ABCC10: variants seen among roughly 807,000 people sequenced by gnomAD.
ABCC10 encodes the protein ATP-binding cassette sub-family C member 10.
A neutral mutation model predicts 143.2 loss-of-function variants in ABCC10; 110 were observed. The ratio of observed to expected loss-of-function variants is 0.77; its 90% CI spans 0.66 to 0.90. ABCC10 has a LOEUF of 0.90. Ranked by LOEUF, ABCC10 falls within the 40% of genes least tolerant of loss-of-function variation. The pLI, the probability that ABCC10 is intolerant of heterozygous loss-of-function variation, is 0.00. For synonymous variants in ABCC10, 805 were observed against 846.7 expected, an observed-to-expected ratio of 0.95 and a Z score of 0.85; for missense variants, 1,700 against 1,900.5, an observed-to-expected ratio of 0.89 and a Z score of 1.96.
In ABCC10 at chr6:43,447,675, C is replaced by G. The variant is rs1425752764; in HGVS notation, c.3706-9C>G. 6.2e-7 allele frequency: 1 copy of G among 1,613,704 alleles called. No homozygotes were observed. Among genetic ancestry groups the G allele is most frequent in the Non-Finnish European group, 8.5e-7 (1 of 1,179,854 alleles). On this transcript the variant is annotated splice_polypyrimidine_tract_variant and intron_variant, in intron 17 of 21. Coordinates refer to ENST00000372530, the MANE Select transcript of ABCC10 (RefSeq NM_001198934.2). ...TCCCCGTCTGTCTCCCACCCATGGA[C>G]CCCACCAGCTGGGCACCGGCTGGCT...
chr6:43,447,522 T>A, intron 17 of ABCC10, 114 bp downstream of exon 17: 1 of 1,553,434 alleles, frequency 6.4e-7, no homozygotes, highest in East Asian at 2.2e-5. Context: ...TAACCTCTCT[T>A]CATGATGACC....
At chr6:43,435,260 T>TGA in intron 4 of ABCC10, 1 of 185,980 alleles carries the variant, frequency 5.4e-6, no homozygotes, top group East Asian at 1.4e-4. Context: ...TGGCCAGGCG[T>TGA]GGTGGCTCAC....
chr6:43,445,809 G>A lies in ABCC10; in HGVS notation c.3241G>A (p.Val1081Met), dbSNP rs756308384. ...LPPLSIMYYH[V>M]QRHYRASSRE... ...GCCTTTGAGCATCATGTACTATCAC[G>A]TGCAGCGCCACTACAGGGCCTCCTC... The change falls in exon 15 of 22, where the codon GTG (valine) becomes ATG (methionine). Residue 1081 changes from valine (V) to methionine (M), a missense_variant. Val to Met is a conservative substitution (Grantham distance 21, BLOSUM62 1). Transcript: ENST00000372530. 5.7e-5 allele frequency: 92 copies of A among 1,614,062 alleles called. No homozygotes were observed. The South Asian group carries it at 5.8e-4, about 10-fold the overall frequency.
intron 7 of ABCC10, 157 bp from the exon 8 acceptor site, chr6:43,438,466 AC>A: frequency 7.0e-7 from 1 of 1,435,514 alleles, no homozygotes. Context: ...CTTCATTAGG[AC>A]CCCTTGACCT....
rs778435894 is a variant in ABCC10, at chr6:43,434,690, C to T, written c.1450C>T (p.Arg484Ter). Residue 484 changes from arginine (R) to a stop codon, truncating the protein, a stop_gained, in exon 4 of 22, where the codon CGA becomes TGA. Transcript: ENST00000372530. LOFTEE classifies it high-confidence loss of function. ...CGGGTGGGAGCAGGCACTGGGAGCC[C>T]GAGTAGAGGCCTGCCGGGCTCGAGA... ...FCGWEQALGA[R>*]VEACRARELG... 28 of 1,613,988 alleles carry T rather than the reference C, an allele frequency of 1.7e-5. No homozygotes were observed. Among genetic ancestry groups the T allele is most frequent in the East Asian group, 1.1e-4 (5 of 44,890 alleles).
chr6:43,432,797 C>A lies in ABCC10; in HGVS notation c.817C>A (p.Leu273Met). The change falls in exon 3 of 22, where the codon CTG becomes ATG. Residue 273 changes from leucine (L) to methionine (M), a missense_variant. Transcript: ENST00000372530. ...FQAHWQEGAR[L>M]WRALYGAFGR... ...GGCACACTGGCAGGAGGGGGCACGG[C>A]TGTGGAGGGCCTTGTATGGGGCCTT... 6.2e-7 allele frequency: 1 copy of A among 1,614,174 alleles called. No homozygotes were observed. The highest frequency in any genetic ancestry group is 8.5e-7 in the Non-Finnish European group (1 of 1,180,030).
chr6:43,451,835 G>A, downstream of ABCC10: 3 of 1,501,382 alleles, frequency 2.0e-6, no homozygotes, highest in South Asian at 2.7e-5. This position sits in a 1 kb window ranked among gnomAD's most constrained non-coding sequence, Gnocchi z 4.4. Flanking sequence ...CCCCGTGTGG[G>A]TCTGACTCTC....
In ABCC10 at chr6:43,432,788, G is replaced by A. The variant is rs372797125; in HGVS notation, c.808G>A (p.Gly270Arg). ...ARVFQAHWQEGARLWRALYGA... is the reference protein window; with the variant it reads ...ARVFQAHWQERARLWRALYGA... ...TGTCTTCCAGGCACACTGGCAGGAGGGGGCACGGCTGTGGAGGGCCTTGTA... is the reference window on the plus strand; with the variant it reads ...TGTCTTCCAGGCACACTGGCAGGAGAGGGCACGGCTGTGGAGGGCCTTGTA... The change falls in exon 3 of 22, where the codon GGG becomes AGG. Residue 270 changes from glycine to arginine, a missense_variant. Physicochemically the swap from Gly to Arg is moderately radical, Grantham distance 125. Coordinates refer to ENST00000372530, the MANE Select transcript of ABCC10 (RefSeq NM_001198934.2). 10 of 1,614,094 alleles carry A rather than the reference G, an allele frequency of 6.2e-6. No individual in the cohort carries two copies. In the East Asian group the frequency reaches 6.7e-5, roughly 11 times the overall value.
In ABCC10 at chr6:43,445,202, C is replaced by T; in HGVS notation, c.2918C>T (p.Thr973Ile). ...DIRFYLTVYA[T>I]IAGVNSLCTL... ...CGTTTCTACCTCACCGTGTATGCGACCATTGCTGGTGTAAATTCCCTCTGC... is the reference window on the plus strand; with the variant it reads ...CGTTTCTACCTCACCGTGTATGCGATCATTGCTGGTGTAAATTCCCTCTGC... Residue 973 changes from threonine to isoleucine, a missense_variant, in exon 14 of 22, where the codon ACC becomes ATC. Transcript: ENST00000372530. 1 of 1,614,136 alleles carries T rather than the reference C, an allele frequency of 6.2e-7. No homozygotes were observed. Among genetic ancestry groups the T allele is most frequent in the Non-Finnish European group, 8.5e-7 (1 of 1,179,988 alleles).
intron 9 of ABCC10, 198 bp downstream of exon 9, chr6:43,442,158 T>C (rs1316684887): frequency 2.3e-6 from 1 of 440,732 alleles, no homozygotes; most frequent in South Asian, 2.6e-5. Context: ...TAAAAAGTAT[T>C]TGTAGGCTGG....
intron 15 of ABCC10, 48 bp downstream of exon 15, chr6:43,445,990 AAG>A (rs1380121971): frequency 1.9e-6 from 3 of 1,553,734 alleles, no homozygotes; most frequent in Middle Eastern, 1.7e-4. Context: ...GGGAGAGGAA[AAG>A]AGAGACCCCC....
chr6:43,438,455 G>T (rs1781984615), intron 7 of ABCC10, 169 bp from the exon 8 acceptor site: 2 of 1,432,624 alleles, frequency 1.4e-6, no homozygotes, highest in African/African-American at 2.9e-5. Context: ...CCCAGAATGG[G>T]CTTCATTAGG....
At chr6:43,431,863 TA>T (rs1278403294) in intron 2 of ABCC10, 162 of 1,278,550 alleles carry the variant, frequency 1.3e-4, no homozygotes, top group South Asian at 4.6e-4. Context: ...GTCTGTGGTT[TA>T]AAAAAAAACA....
Position 43,433,325 on chromosome 6 carries a change from C to G in ABCC10, c.1345C>G (p.Gln449Glu). ...TGCCACCCGCATCATGGCCAGCAAC[C>G]AGGAAATGCTACAGCACAAGGATGC... ...VIATRIMASN[Q>E]EMLQHKDARV... Residue 449 changes from glutamine (Q) to glutamate (E), a missense_variant, in exon 3 of 22, where the codon CAG becomes GAG. Transcript: ENST00000372530. 9 of 1,613,894 alleles carry G rather than the reference C, an allele frequency of 5.6e-6. No homozygotes were observed. Among genetic ancestry groups the G allele is most frequent in the Non-Finnish European group, 7.6e-6 (9 of 1,179,796 alleles).
At position 43,449,131 on chromosome 6, in the gene ABCC10, AG is replaced by A; in HGVS notation, c.4136del (p.Gly1379AlafsTer56). On this transcript the variant is annotated frameshift_variant, in exon 20 of 22. Coordinates refer to ENST00000372530, the MANE Select transcript of ABCC10 (RefSeq NM_001198934.2). LOFTEE classifies it high-confidence loss of function. ...SMGGLDGELG[E>X]GGRSLSLGQR... Reference sequence around the variant, plus strand: ...GGTGGTCTGGATGGTGAGCTGGGTGAGGGGGGCCGGAGCTTATCTCTTGGGC... The same window carrying A: ...GGTGGTCTGGATGGTGAGCTGGGTGAGGGGGCCGGAGCTTATCTCTTGGGC... 6.2e-7 allele frequency: 1 copy of A among 1,614,046 alleles called. No homozygotes were observed. The highest frequency in any genetic ancestry group is 8.5e-7 in the Non-Finnish European group (1 of 1,179,994).
chr6:43,434,596 C>T (rs1450502884), intron 3 of ABCC10, 25 bp from the exon 4 acceptor site: 2 of 1,601,044 alleles, frequency 1.2e-6, no homozygotes, highest in South Asian at 1.1e-5. Flanking sequence ...CCACTTCACG[C>T]CTCTCCCTTG....
At chr6:43,441,825 G>A in intron 8 of ABCC10, 37 bp from the exon 9 acceptor site, 1 of 1,561,336 alleles carries the variant, frequency 6.4e-7, no homozygotes, top group Non-Finnish European at 8.8e-7. Context: ...GAAGGTAATG[G>A]GAGCTCCCTG....
At chr6:43,438,201 A>G (rs368393306) in intron 7 of ABCC10, 188 bp downstream of exon 7, 2 of 895,650 alleles carry the variant, frequency 2.2e-6, no homozygotes, top group Admixed American at 5.4e-5. Context: ...TAATCATTAC[A>G]CCAGAGTGTT....
At chr6:43,433,815 A>G (rs1035016665) in intron 3 of ABCC10, among the ~76,000 whole-genome samples, 1 of 152,104 alleles carries the variant, frequency 6.6e-6, no homozygotes, top group Non-Finnish European at 1.5e-5. Context: ...ACCTAGGAGA[A>G]CCTCAGCTGC....
Sources: gnomAD v4.1 joint callset for allele counts (sites outside exome capture counted in the v4.1 genomes callset) on GRCh38, gnomAD v4.1.1 for gene constraint, Gnocchi (gnomAD v3.1) non-coding constraint, MANE v1.5 for transcripts, NCBI Gene and HGNC (gene_info 2026-07-23, HGNC 2026-07-21) for gene names.